Variants in GNAO1 observed in about 807,000 individuals in gnomAD.
GNAO1 encodes the protein guanine nucleotide-binding protein G(o) subunit alpha.
For synonymous variants in GNAO1, 164 were observed against 180.7 expected, an observed-to-expected ratio of 0.91 and a Z score of 0.74; for missense variants, 166 against 478.7, an observed-to-expected ratio of 0.35 and a Z score of 6.10.
chr16:56,288,001 A>G (rs992935143), intron 3 of GNAO1, among the ~76,000 whole-genome samples: 3 of 152,152 alleles, frequency 2.0e-5, no homozygotes, highest in Non-Finnish European at 4.4e-5. Flanking sequence ...CGCAGAGTAA[A>G]TGCTGCTGAA....
chr16:56,340,876 A>C (rs967625844), intron 6 of GNAO1: 2 of 1,613,950 alleles, frequency 1.2e-6, no homozygotes, highest in African/African-American at 2.7e-5. Context: ...CAGCATCTGC[A>C]ACAACAAATG....
In GNAO1 at chr16:56,335,987, C is replaced by T. The variant is rs148270626; in HGVS notation, c.594-744C>T. On this transcript the variant is annotated intron_variant, in intron 5 of 8. Coordinates refer to ENST00000262493, the MANE Select transcript of GNAO1 (RefSeq NM_020988.3). ...GAGATCCTTCCCTGTCCCCCTCTGG[C>T]AGGCTGTGTGTCAGCAGGCATCCCA... Among the ~76,000 whole-genome samples, 282 of 152,314 alleles carry T rather than the reference C, an allele frequency of 1.9e-3. 2 individuals are homozygous for T. Among genetic ancestry groups the T allele is most frequent in the African/African-American group, 6.4e-3 (264 of 41,558 alleles).
At chr16:56,347,291 A>T in intron 6 of GNAO1, 2 of 985,426 alleles carry the variant, frequency 2.0e-6, no homozygotes, top group Non-Finnish European at 2.4e-6. Context: ...CTCCGCGGCC[A>T]CCAGAGATTC....
rs1256443594 is a variant in GNAO1, at chr16:56,326,090, C to T, written c.304-2541C>T. Among the ~76,000 whole-genome samples the T allele has an allele frequency of 6.6e-6, 1 of 152,206 alleles. No homozygotes were observed. The highest frequency in any genetic ancestry group is 2.4e-5 in the African/African-American group (1 of 41,452). On this transcript the variant is annotated intron_variant, in intron 3 of 8. Transcript: ENST00000262493. This position sits in a 1 kb window ranked among gnomAD's most constrained non-coding sequence, Gnocchi z 4.8. Reference sequence around the variant, plus strand: ...ATGGACTGGAAGCTGGCCTGGGCTCCACAGGACTCAGGGTCCAGCACACTC... The same window carrying T: ...ATGGACTGGAAGCTGGCCTGGGCTCTACAGGACTCAGGGTCCAGCACACTC...
At chr16:56,197,648 G>T (rs1383350647) in intron 2 of GNAO1, among the ~76,000 whole-genome samples, 1 of 152,228 alleles carries the variant, frequency 6.6e-6, no homozygotes, top group African/African-American at 2.4e-5. Context: ...AACATGGCTG[G>T]AAAAGAATGC....
At chr16:56,324,153 A>G (rs1282522363) in intron 3 of GNAO1, among the ~76,000 whole-genome samples, 2 of 152,222 alleles carry the variant, frequency 1.3e-5, no homozygotes, top group Non-Finnish European at 2.9e-5. Context: ...AAACTGTAGA[A>G]TGCATCCTAC....
intron 2 of GNAO1, among the ~76,000 whole-genome samples, chr16:56,252,714 C>T (rs570007235): frequency 6.6e-6 from 1 of 152,328 alleles, no homozygotes; most frequent in Non-Finnish European, 1.5e-5. Context: ...AGCTCATCCA[C>T]ACCCCCACAT....
At chr16:56,259,435 G>C (rs2036882972) in intron 2 of GNAO1, among the ~76,000 whole-genome samples, 1 of 152,162 alleles carries the variant, frequency 6.6e-6, no homozygotes, top group Non-Finnish European at 1.5e-5. Context: ...GTTTCCAACT[G>C]CCCTGTTCCA....
intron 3 of GNAO1, chr16:56,307,616 A>G (rs1446312654): frequency 6.6e-6 from 1 of 152,240 alleles, no homozygotes; most frequent in Non-Finnish European, 1.5e-5. Flanking sequence ...GGTTGAGGAA[A>G]CTGAGTCACA....
At chr16:56,203,971 C>CT (rs1197979051) in intron 2 of GNAO1, among the ~76,000 whole-genome samples, 1 of 152,118 alleles carries the variant, frequency 6.6e-6, no homozygotes, top group African/African-American at 2.4e-5. Context: ...TCAGGAGAGC[C>CT]TACCAGTAGG....
intron 3 of GNAO1, among the ~76,000 whole-genome samples, chr16:56,292,365 T>C (rs2037240902): frequency 6.6e-6 from 1 of 152,112 alleles, no homozygotes; most frequent in Admixed American, 6.6e-5. Flanking sequence ...AGAATTTAAA[T>C]TTGGATTTTT....
At chr16:56,296,422 T>C (rs963917354) in intron 3 of GNAO1, among the ~76,000 whole-genome samples, 16 of 152,156 alleles carry the variant, frequency 1.1e-4, no homozygotes, top group African/African-American at 3.6e-4. Context: ...TTGTTTCCCA[T>C]GTGGAGTTGA....
chr16:56,307,917 G>A (rs1464100545), intron 3 of GNAO1: 2 of 152,278 alleles, frequency 1.3e-5, no homozygotes, highest in African/African-American at 2.4e-5. Flanking sequence ...TGGGGAGCAC[G>A]GAGGGTTCCA....
At chr16:56,249,867 G>T (rs181718781) in intron 2 of GNAO1, among the ~76,000 whole-genome samples, 1 of 152,328 alleles carries the variant, frequency 6.6e-6, no homozygotes, top group East Asian at 1.9e-4. Context: ...ACGCTGGACA[G>T]ATTTAGCCCT....
At chr16:56,265,570 G>C (rs191884389) in intron 2 of GNAO1, among the ~76,000 whole-genome samples, 2 of 152,216 alleles carry the variant, frequency 1.3e-5, no homozygotes. Flanking sequence ...ACATGTGGAC[G>C]GTGGTTCCCT....
At chr16:56,337,143 C>T (rs2037748604) in intron 6 of GNAO1, among the ~76,000 whole-genome samples, 1 of 152,240 alleles carries the variant, frequency 6.6e-6, no homozygotes, top group African/African-American at 2.4e-5. Flanking sequence ...GGTGGAGTCA[C>T]AGAGGCCATC....
intron 2 of GNAO1, among the ~76,000 whole-genome samples, chr16:56,248,934 T>TA (rs1346646154): frequency 6.6e-6 from 1 of 152,056 alleles, no homozygotes; most frequent in East Asian, 1.9e-4. Flanking sequence ...GAGACAGGAA[T>TA]AGATGCAGGG....
At chr16:56,243,508 G>A (rs2036713650) in intron 2 of GNAO1, among the ~76,000 whole-genome samples, 2 of 152,226 alleles carry the variant, frequency 1.3e-5, no homozygotes, top group South Asian at 4.2e-4. Context: ...ATGGGCAAAG[G>A]ATCTGAATAC....
intron 2 of GNAO1, among the ~76,000 whole-genome samples, chr16:56,238,181 A>ATCCTCCTGATAT (rs2036659347): frequency 7.5e-6 from 1 of 133,598 alleles, no homozygotes; most frequent in Non-Finnish European, 1.5e-5. Flanking sequence ...ATATCTAGCC[A>ATCCTCCTGATAT]CAAGAGGAGG....
Sources: gnomAD v4.1 joint callset for allele counts (sites outside exome capture counted in the v4.1 genomes callset) on GRCh38, gnomAD v4.1.1 for gene constraint, Gnocchi (gnomAD v3.1) non-coding constraint, MANE v1.5 for transcripts, NCBI Gene and HGNC (gene_info 2026-07-23, HGNC 2026-07-21) for gene names.